Variants in NKAIN2 observed in about 807,000 individuals in gnomAD.
NKAIN2 encodes the protein sodium/potassium transporting ATPase interacting 2.
A neutral mutation model predicts 32.6 loss-of-function variants in NKAIN2; 14 were observed. That is an observed-to-expected ratio of 0.43 (90% confidence interval 0.28 to 0.67). The LOEUF (loss-of-function observed/expected upper bound fraction) is 0.67, where lower values mean the gene tolerates loss of function less well. NKAIN2 is among the 30% of genes least tolerant of loss of function. The probability of loss-of-function intolerance (pLI) is 0.17; values close to 1 mark genes in which losing one functional copy is unlikely to be tolerated. For synonymous variants in NKAIN2, 80 were observed against 87.2 expected (o/e 0.92, Z 0.46); for missense variants, 198 against 258.3 (o/e 0.77, Z 1.60).
chr6:123,863,394 G>A (rs1366002755), intron 1 of NKAIN2, among the ~76,000 whole-genome samples: 1 of 152,134 alleles, frequency 6.6e-6, no homozygotes, highest in Non-Finnish European at 1.5e-5. Context: ...ACTTCCAAAT[G>A]AAGTTTTATG....
At chr6:124,760,195 A>C (rs958993615) in intron 4 of NKAIN2, among the ~76,000 whole-genome samples, 2 of 152,070 alleles carry the variant, frequency 1.3e-5, no homozygotes, top group African/African-American at 4.8e-5. Context: ...GTGGGAGCTA[A>C]ATGATGAGAA....
intron 1 of NKAIN2, among the ~76,000 whole-genome samples, chr6:124,123,249 T>C (rs1161953656): frequency 6.6e-6 from 1 of 151,964 alleles, no homozygotes; most frequent in African/African-American, 2.4e-5. Flanking sequence ...CTTGACTGAC[T>C]CTCTGATGGA....
intron 1 of NKAIN2, among the ~76,000 whole-genome samples, chr6:124,186,565 CAGGTTTATGACAGTCCTTGCCAATCA>C (rs1789752648): frequency 6.6e-6 from 1 of 152,146 alleles, no homozygotes; most frequent in Non-Finnish European, 1.5e-5. Flanking sequence ...TGAAACTATG[CAGGTTTATGACAGTCCTTGCCAATCA>C]AGTGAAGCAT....
intron 3 of NKAIN2, among the ~76,000 whole-genome samples, chr6:124,471,306 GAT>G (rs1251878092): frequency 2.0e-5 from 3 of 151,940 alleles, no homozygotes; most frequent in Non-Finnish European, 4.4e-5. Flanking sequence ...TTTTAAATAT[GAT>G]ATATTCTCCC....
At chr6:124,752,962 T>A (rs1387804020) in intron 4 of NKAIN2, among the ~76,000 whole-genome samples, 1 of 152,118 alleles carries the variant, frequency 6.6e-6, no homozygotes, top group Non-Finnish European at 1.5e-5. Context: ...CTCTTTCTTG[T>A]CCTCTTGGCT....
chr6:124,421,074 T>TAAAA (rs35625714), intron 3 of NKAIN2, among the ~76,000 whole-genome samples: 3 of 133,722 alleles, frequency 2.2e-5, no homozygotes, highest in Non-Finnish European at 3.2e-5. Flanking sequence ...CTGTCAAAAT[T>TAAAA]AAAAAAAAAA....
intron 1 of NKAIN2, among the ~76,000 whole-genome samples, chr6:124,222,724 A>T (rs991774349): frequency 6.6e-6 from 1 of 152,170 alleles, no homozygotes; most frequent in South Asian, 2.1e-4. Flanking sequence ...AAGAGGCCAC[A>T]TAAGTAAGGA....
chr6:124,504,053 G>A (rs1441924717), intron 3 of NKAIN2, among the ~76,000 whole-genome samples: 1 of 152,000 alleles, frequency 6.6e-6, no homozygotes, highest in African/African-American at 2.4e-5. Flanking sequence ...GTATTTAACT[G>A]AATAAACTTA....
chr6:124,749,747 A>G (rs1264998964), intron 4 of NKAIN2, among the ~76,000 whole-genome samples: 1 of 151,932 alleles, frequency 6.6e-6, no homozygotes, highest in Non-Finnish European at 1.5e-5. Flanking sequence ...AAATTCTAAA[A>G]TTGTAGATCA....
At chr6:124,430,068 G>T (rs1775150052) in intron 3 of NKAIN2, among the ~76,000 whole-genome samples, 1 of 152,058 alleles carries the variant, frequency 6.6e-6, no homozygotes, top group Non-Finnish European at 1.5e-5. Context: ...TCAAAATTCT[G>T]CAACAACCCA....
chr6:124,414,359 A>G (rs1379048208), intron 3 of NKAIN2, among the ~76,000 whole-genome samples: 4 of 152,186 alleles, frequency 2.6e-5, no homozygotes, highest in Non-Finnish European at 5.9e-5. Context: ...TTGCTACTGT[A>G]TTCTTAGAAT....
chr6:124,799,574 A>T (rs1285055253), intron 5 of NKAIN2, among the ~76,000 whole-genome samples: 1 of 152,200 alleles, frequency 6.6e-6, no homozygotes, highest in South Asian at 2.1e-4. Context: ...GTTAATTAAG[A>T]ACAATCAGAG....
At chr6:124,094,070 G>T (rs73563133) in intron 1 of NKAIN2, among the ~76,000 whole-genome samples, 2 of 151,984 alleles carry the variant, frequency 1.3e-5, no homozygotes, top group Admixed American at 6.6e-5. Context: ...ATCTCAGTCC[G>T]CTGTAAACAA....
chr6:124,239,119 T>C (rs1792936483), intron 1 of NKAIN2, among the ~76,000 whole-genome samples: 1 of 152,066 alleles, frequency 6.6e-6, no homozygotes, highest in Non-Finnish European at 1.5e-5. Flanking sequence ...TAGTCTCTGA[T>C]AAAACAGACT....
In NKAIN2 at chr6:124,423,046, C is replaced by T. The variant is rs187151803; in HGVS notation, c.273+67699C>T. ...AGTCAAGAAAAATCATTGAATTTAACTGCATTTCACATCTAAATAGTTTAA... is the reference window on the plus strand; with the variant it reads ...AGTCAAGAAAAATCATTGAATTTAATTGCATTTCACATCTAAATAGTTTAA... On this transcript the variant is annotated intron_variant, in intron 3 of 6. Transcript: ENST00000368417. Among the ~76,000 whole-genome samples, 557 of 152,268 alleles carry T rather than the reference C, an allele frequency of 3.7e-3. 4 individuals are homozygous for T. The highest frequency in any genetic ancestry group is 0.012 in the African/African-American group (503 of 41,556).
At chr6:123,983,985 G>C (rs1779019977) in intron 1 of NKAIN2, among the ~76,000 whole-genome samples, 1 of 152,130 alleles carries the variant, frequency 6.6e-6, no homozygotes, top group Non-Finnish European at 1.5e-5. Context: ...TCGGCTCACT[G>C]CAACATCCAC....
intron 3 of NKAIN2, among the ~76,000 whole-genome samples, chr6:124,586,120 C>A (rs1238709214): frequency 3.9e-5 from 6 of 152,138 alleles, no homozygotes; most frequent in Admixed American, 3.9e-4. Context: ...TGTCAAATTC[C>A]TTCTTCCATC....
intron 1 of NKAIN2, among the ~76,000 whole-genome samples, chr6:123,924,365 A>G (rs755255486): frequency 2.6e-5 from 4 of 152,334 alleles, no homozygotes; most frequent in Non-Finnish European, 5.9e-5. Flanking sequence ...GTTAGAAACA[A>G]TTTGGAATTC....
At chr6:123,834,194 G>C (rs1000897856) in intron 1 of NKAIN2, among the ~76,000 whole-genome samples, 6 of 152,026 alleles carry the variant, frequency 3.9e-5, no homozygotes, top group Admixed American at 1.3e-4. Flanking sequence ...TTGCTCTGTT[G>C]CCCAGGCTGG....
Sources: allele counts gnomAD v4.1 joint callset (sites outside exome capture counted in the v4.1 genomes callset), GRCh38; gene constraint gnomAD v4.1.1; transcripts MANE v1.5; gene names NCBI Gene and HGNC (gene_info 2026-07-23, HGNC 2026-07-21).